The following BAALC variants were observed in gnomAD, a reference collection of about 807,000 sequenced individuals.
BAALC encodes the protein brain and acute leukemia cytoplasmic protein.
BAALC carries 9 observed loss-of-function variants against 15.5 expected under a neutral mutation model. That is an observed-to-expected ratio of 0.58 (90% CI 0.35 to 1.02). The LOEUF is 1.02. Ranked by LOEUF, BAALC falls within the 50% of genes least tolerant of loss-of-function variation. The pLI is 0.02. For synonymous variants in BAALC, 80 were observed against 74.6 expected, an observed-to-expected ratio of 1.07 and a Z score of -0.37; for missense variants, 201 against 192.4, an observed-to-expected ratio of 1.04 and a Z score of -0.27.
intron 1 of BAALC, among the ~76,000 whole-genome samples, chr8:103,211,213 C>T (rs1812440913): frequency 6.6e-6 from 1 of 152,114 alleles, no homozygotes; most frequent in Non-Finnish European, 1.5e-5. Flanking sequence ...CTTCTCTAGC[C>T]TCTCATCTAC....
chr8:103,197,843 G>A (rs1036056046), intron 1 of BAALC, among the ~76,000 whole-genome samples: 1 of 152,050 alleles, frequency 6.6e-6, no homozygotes, highest in African/African-American at 2.4e-5. Context: ...CATTCATGAA[G>A]GATATGCCCC....
intron 1 of BAALC, among the ~76,000 whole-genome samples, chr8:103,144,393 G>T (rs567654220): frequency 2.0e-5 from 3 of 152,202 alleles, no homozygotes; most frequent in Non-Finnish European, 4.4e-5. Flanking sequence ...TGAAGCCAAG[G>T]TATGTGATAT....
chr8:103,226,187 A>C (rs1586448306), intron 2 of BAALC, among the ~76,000 whole-genome samples: 1 of 152,328 alleles, frequency 6.6e-6, no homozygotes, highest in South Asian at 2.1e-4. Context: ...CTTGAGGCCA[A>C]CGCCTGTGGA....
At position 103,227,698 on chromosome 8, in the gene BAALC, T is replaced by A. The variant is rs540843502; in HGVS notation, c.328-291T>A. Reference sequence around the variant, plus strand: ...ACACATAAAATGTGGATTCAGTGAATGCTCATCAAAGCCTCAAAAGAATGT... The same window carrying A: ...ACACATAAAATGTGGATTCAGTGAAAGCTCATCAAAGCCTCAAAAGAATGT... On this transcript the variant is annotated intron_variant, in intron 2 of 2. Coordinates refer to ENST00000309982, the MANE Select transcript of BAALC (RefSeq NM_024812.3). Among the ~76,000 whole-genome samples the A allele has an allele frequency of 1.1e-4, 16 of 152,346 alleles. No homozygotes were observed. The South Asian group carries it at 3.1e-3, about 30-fold the overall frequency.
intron 1 of BAALC, chr8:103,154,838 A>T (rs1811055751): frequency 6.5e-6 from 1 of 154,290 alleles, no homozygotes; most frequent in Admixed American, 6.6e-5. Context: ...GACAGAGCCA[A>T]GAAACAGACT....
Position 103,156,391 on chromosome 8 carries a change from TG to T in BAALC, c.160+15337del, listed in dbSNP as rs577006834. On this transcript the variant is annotated intron_variant, in intron 1 of 2. Coordinates refer to ENST00000309982, the MANE Select transcript of BAALC (RefSeq NM_024812.3). ...ATGCAAATCATGCTCTTGAGTTGGG[TG>T]GGATTCAGGAAGAATATGGCATCAC... Among the ~76,000 whole-genome samples, 499 of 152,318 alleles carry T rather than the reference TG, an allele frequency of 3.3e-3. 3 individuals carry two copies. Among genetic ancestry groups the T allele is most frequent in the Admixed American group, 5.1e-3 (78 of 15,304 alleles).
At chr8:103,193,359 A>G (rs1490197509) in intron 1 of BAALC, among the ~76,000 whole-genome samples, 1 of 152,188 alleles carries the variant, frequency 6.6e-6, no homozygotes, top group East Asian at 1.9e-4. Flanking sequence ...AGGAGTCACT[A>G]CATCCTGGCC....
At chr8:103,216,289 G>T (rs190975505) in intron 2 of BAALC, among the ~76,000 whole-genome samples, 10 of 152,286 alleles carry the variant, frequency 6.6e-5, no homozygotes, top group African/African-American at 2.2e-4. Context: ...GAGTGGAATT[G>T]TTGGGTCACA....
At chr8:103,210,959 T>C (rs1812436013) in intron 1 of BAALC, among the ~76,000 whole-genome samples, 1 of 152,202 alleles carries the variant, frequency 6.6e-6, no homozygotes. Flanking sequence ...TGTTTCATAG[T>C]CTTCTTATGA....
At chr8:103,187,216 TGG>T (rs1332126962) in intron 1 of BAALC, among the ~76,000 whole-genome samples, 1 of 152,176 alleles carries the variant, frequency 6.6e-6, no homozygotes, top group Non-Finnish European at 1.5e-5. Flanking sequence ...CCACTTCTAG[TGG>T]GCACCGAAGT....
chr8:103,145,124 T>C (rs532041162), intron 1 of BAALC, among the ~76,000 whole-genome samples: 4 of 152,242 alleles, frequency 2.6e-5, no homozygotes, highest in Non-Finnish European at 5.9e-5. Context: ...AAACTCAAAG[T>C]CAAGTCTGAT....
chr8:103,202,497 A>G (rs1234698724), intron 1 of BAALC, among the ~76,000 whole-genome samples: 1 of 152,246 alleles, frequency 6.6e-6, no homozygotes, highest in East Asian at 1.9e-4. Flanking sequence ...TCTCTTGGTT[A>G]AGCCATCAGT....
Position 103,172,604 on chromosome 8 carries a change from A to G in BAALC, c.160+31547A>G, listed in dbSNP as rs1462985842. Among the ~76,000 whole-genome samples, 6 of 152,132 alleles carry G rather than the reference A, an allele frequency of 3.9e-5. No individual in the cohort carries two copies. The East Asian group carries it at 9.7e-4, about 25-fold the overall frequency. ...AGACGTGGTTTCTACCATGTTGGCC[A>G]GGCTGGTCTCAAACTCCTGACTTCA... On this transcript the variant is annotated intron_variant, in intron 1 of 2. Coordinates refer to ENST00000309982, the MANE Select transcript of BAALC (RefSeq NM_024812.3).
rs112060801 is a variant in BAALC, at chr8:103,142,971, C to T, written c.160+1914C>T. On this transcript the variant is annotated intron_variant, in intron 1 of 2. Coordinates refer to ENST00000309982, the MANE Select transcript of BAALC (RefSeq NM_024812.3). Reference sequence around the variant, plus strand: ...TCCAGAGGAGAAGCTCCACTTCAGCCCCAGGACAGCACCCTGAAATTGGCA... The same window carrying T: ...TCCAGAGGAGAAGCTCCACTTCAGCTCCAGGACAGCACCCTGAAATTGGCA... 8.3e-3 allele frequency among the ~76,000 whole-genome samples: 1,270 copies of T among 152,250 alleles called. 24 individuals carry two copies. The highest frequency in any genetic ancestry group is 0.029 in the African/African-American group (1,213 of 41,538).
Position 103,213,011 on chromosome 8 carries a change from A to G in BAALC, c.253A>G (p.Thr85Ala), listed in dbSNP as rs867592557. The G allele has an allele frequency of 4.3e-6, 7 of 1,614,146 alleles. No individual in the cohort carries two copies. The Middle Eastern group carries it at 1.2e-3, about 266-fold the overall frequency. The change falls in exon 2 of 3, where the codon ACC becomes GCC. Residue 85 changes from threonine (T) to alanine (A), a missense_variant. By Grantham distance (58) the Thr-to-Ala change is moderately conservative. Transcript: ENST00000309982. ...CCCAGAGAAGAAGACGAACTGTGAG[A>G]CCCAGTGCCCAAATCCCCAGAGCCT... ...PNPEKKTNCE[T>A]QCPNPQSLSS...
At chr8:103,172,870 G>A (rs1481394030) in intron 1 of BAALC, among the ~76,000 whole-genome samples, 1 of 152,094 alleles carries the variant, frequency 6.6e-6, no homozygotes, top group African/African-American at 2.4e-5. Context: ...ATTAAATCAG[G>A]TAAAGTTACT....
At chr8:103,221,537 T>A (rs1160059833) in intron 2 of BAALC, among the ~76,000 whole-genome samples, 1 of 150,862 alleles carries the variant, frequency 6.6e-6, no homozygotes, top group Non-Finnish European at 1.5e-5. Flanking sequence ...GTATGGGGGG[T>A]GATGTTAAAA....
intron 1 of BAALC, among the ~76,000 whole-genome samples, chr8:103,184,523 C>T (rs1043114081): frequency 6.6e-6 from 1 of 152,198 alleles, no homozygotes; most frequent in African/African-American, 2.4e-5. Context: ...TGAGACAATG[C>T]TGGCTCTGAG....
chr8:103,153,950 A>C (rs1365918110), intron 1 of BAALC, among the ~76,000 whole-genome samples: 3 of 152,184 alleles, frequency 2.0e-5, no homozygotes, highest in Non-Finnish European at 4.4e-5. Flanking sequence ...CCGCCTGTGC[A>C]CCCTTCCTAA....
Sources: allele counts gnomAD v4.1 joint callset (sites outside exome capture counted in the v4.1 genomes callset), GRCh38; gene constraint gnomAD v4.1.1; transcripts MANE v1.5; gene names NCBI Gene and HGNC (gene_info 2026-07-23, HGNC 2026-07-21).